Variants in CSMD1 observed in about 807,000 individuals in gnomAD.
The protein encoded by CSMD1 is CUB and sushi domain-containing protein 1.
In CSMD1, 213 loss-of-function variants were observed where a neutral mutation model predicts 417.5. The ratio of observed to expected loss-of-function variants is 0.51; its 90% CI spans 0.46 to 0.57. The LOEUF is 0.57. Among genes scored for constraint, CSMD1 ranks in the 20% least tolerant of loss-of-function variants. CSMD1 has a pLI of 0.00. For synonymous variants in CSMD1, 2,862 were observed against 1,736.8 expected, an observed-to-expected ratio of 1.65 and a Z score of -16.11; for missense variants, 6,923 against 4,529.7, an observed-to-expected ratio of 1.53 and a Z score of -15.17.
At chr8:3,588,631 C>G (rs972880031) in intron 8 of CSMD1, among the ~76,000 whole-genome samples, 14 of 152,078 alleles carry the variant, frequency 9.2e-5, no homozygotes, top group African/African-American at 3.1e-4. Flanking sequence ...ACCAATATTC[C>G]TTTACGTATC....
chr8:3,839,445 T>C (rs1802959011), intron 5 of CSMD1, among the ~76,000 whole-genome samples: 1 of 125,058 alleles, frequency 8.0e-6, no homozygotes, highest in African/African-American at 3.1e-5. Context: ...ATATTATATA[T>C]TATAATATAA....
In CSMD1 at chr8:3,546,539, G is replaced by GA. The variant is rs112724252; in HGVS notation, c.1344+28405dup. On this transcript the variant is annotated intron_variant, in intron 10 of 69. Coordinates refer to ENST00000635120, the MANE Select transcript of CSMD1 (RefSeq NM_033225.6). ...GACAGAGTGAGACTCCAAAAAAAAA[G>GA]AAAAAAAAAAATCCTGATACTGTCA... Among the ~76,000 whole-genome samples the GA allele has an allele frequency of 5.9e-3, 837 of 142,140 alleles. 10 individuals carry two copies. Among genetic ancestry groups the GA allele is most frequent in the African/African-American group, 0.019 (762 of 39,084 alleles). 93.2% of individuals were successfully genotyped at this position (142,140 alleles called of 152,430 possible).
intron 30 of CSMD1, among the ~76,000 whole-genome samples, chr8:3,207,388 A>G (rs1433965248): frequency 6.6e-6 from 1 of 151,008 alleles, no homozygotes; most frequent in Admixed American, 6.6e-5. Context: ...CATGATCCGC[A>G]TGGCTCAGCC....
chr8:4,579,343 T>C (rs936855208), intron 2 of CSMD1, among the ~76,000 whole-genome samples: 3 of 151,850 alleles, frequency 2.0e-5, no homozygotes, highest in Middle Eastern at 3.4e-3. Flanking sequence ...CATATATATA[T>C]ACACACACGT....
intron 2 of CSMD1, among the ~76,000 whole-genome samples, chr8:4,470,662 G>A (rs547719184): frequency 2.0e-5 from 3 of 152,006 alleles, no homozygotes; most frequent in Admixed American, 6.6e-5. Context: ...ATTTCTAAAC[G>A]GCCATTAGTG....
intron 1 of CSMD1, among the ~76,000 whole-genome samples, chr8:4,728,040 T>C (rs950590470): frequency 2.0e-5 from 3 of 146,452 alleles, no homozygotes; most frequent in Non-Finnish European, 4.5e-5. Flanking sequence ...ATTTTTTTGG[T>C]TTATTGTTAT....
intron 10 of CSMD1, among the ~76,000 whole-genome samples, chr8:3,556,900 C>A (rs1799181395): frequency 6.6e-6 from 1 of 152,214 alleles, no homozygotes; most frequent in South Asian, 2.1e-4. Flanking sequence ...GCCACAAAAA[C>A]AATCATCAGG....
intron 11 of CSMD1, among the ~76,000 whole-genome samples, chr8:3,470,543 T>C (rs1817026577): frequency 6.6e-6 from 1 of 152,196 alleles, no homozygotes; most frequent in Non-Finnish European, 1.5e-5. Context: ...TGTATGTACA[T>C]TTGTGCATGT....
At chr8:4,030,650 A>T (rs1328466254) in intron 4 of CSMD1, among the ~76,000 whole-genome samples, 2 of 152,076 alleles carry the variant, frequency 1.3e-5, no homozygotes, top group Non-Finnish European at 2.9e-5. Flanking sequence ...CATTTTCCCC[A>T]TGGTCTTGGG....
chr8:3,816,457 G>T (rs1030519813), intron 5 of CSMD1, among the ~76,000 whole-genome samples: 27 of 152,102 alleles, frequency 1.8e-4, no homozygotes, highest in Admixed American at 1.6e-3. Flanking sequence ...TATTCCGTTA[G>T]TAGCTGTTAT....
intron 3 of CSMD1, among the ~76,000 whole-genome samples, chr8:4,407,308 A>AT (rs1298523727): frequency 6.6e-5 from 10 of 152,258 alleles, no homozygotes; most frequent in Non-Finnish European, 1.3e-4. Flanking sequence ...CACTGCTATA[A>AT]TATATAAGGG....
chr8:4,471,299 G>T (rs1248916903), intron 2 of CSMD1, among the ~76,000 whole-genome samples: 1 of 152,122 alleles, frequency 6.6e-6, no homozygotes, highest in African/African-American at 2.4e-5. Flanking sequence ...AGTCAAACAG[G>T]TTGGTAAAAA....
intron 3 of CSMD1, among the ~76,000 whole-genome samples, chr8:4,315,241 T>G (rs996946472): frequency 2.6e-5 from 4 of 152,110 alleles, no homozygotes; most frequent in African/African-American, 7.2e-5. Flanking sequence ...CAGCTCTGGC[T>G]TGAAGACCAG....
intron 7 of CSMD1, among the ~76,000 whole-genome samples, chr8:3,688,363 T>TG (rs1585078058): frequency 6.6e-6 from 1 of 152,214 alleles, no homozygotes; most frequent in Non-Finnish European, 1.5e-5. Context: ...CATCCAGTGA[T>TG]ATTTATAAAG....
At chr8:3,500,680 T>C (rs1284290710) in intron 10 of CSMD1, among the ~76,000 whole-genome samples, 1 of 152,156 alleles carries the variant, frequency 6.6e-6, no homozygotes, top group Non-Finnish European at 1.5e-5. Context: ...TCACATGTGT[T>C]GAATGCTACT....
At chr8:4,445,162 G>A (rs540674926) in intron 2 of CSMD1, among the ~76,000 whole-genome samples, 1 of 152,294 alleles carries the variant, frequency 6.6e-6, no homozygotes, top group East Asian at 1.9e-4. Context: ...GATGGCACTA[G>A]AAGAATCTGA....
At chr8:4,858,058 T>C (rs913285771) in intron 1 of CSMD1, among the ~76,000 whole-genome samples, 4 of 152,064 alleles carry the variant, frequency 2.6e-5, no homozygotes, top group African/African-American at 9.7e-5. Context: ...TCAAAAAGCT[T>C]ATCCACCATG....
intron 3 of CSMD1, among the ~76,000 whole-genome samples, chr8:4,180,507 G>C (rs541461784): frequency 1.3e-5 from 2 of 151,488 alleles, no homozygotes; most frequent in African/African-American, 4.9e-5. Flanking sequence ...CAGCACACCA[G>C]CATGGCACAT....
chr8:3,943,020 T>G (rs999091978), intron 5 of CSMD1, among the ~76,000 whole-genome samples: 4 of 152,124 alleles, frequency 2.6e-5, no homozygotes, highest in African/African-American at 9.7e-5. Context: ...AAGTTTTATT[T>G]TGTTACTCAG....
Sources: gnomAD v4.1 joint callset for allele counts (sites outside exome capture counted in the v4.1 genomes callset) on GRCh38, gnomAD v4.1.1 for gene constraint, MANE v1.5 for transcripts, NCBI Gene and HGNC (gene_info 2026-07-23, HGNC 2026-07-21) for gene names.